DIPK2B: variants seen among roughly 807,000 people sequenced by gnomAD.
DIPK2B encodes UPF0672 protein CXorf36.
Under a neutral mutation model 22.2 loss-of-function variants are expected in DIPK2B, and 15 were observed. The observed-to-expected ratio is 0.68, with a 90% CI of 0.45 to 1.04. The LOEUF is 1.04. Ranked by LOEUF, DIPK2B falls within the 50% of genes least tolerant of loss-of-function variation. DIPK2B has a pLI of 0.00. For missense variants in DIPK2B, 345 were observed against 348.3 expected (o/e 0.99, Z 0.08); for synonymous variants, 163 against 153.2 (o/e 1.06, Z -0.47).
intron 2 of DIPK2B, among the ~76,000 whole-genome samples, chrX:45,178,269 C>A (rs142670366): frequency 8.9e-6 from 1 of 111,743 alleles, no homozygotes. Context: ...TAGAATAAAG[C>A]CGGATTCTCA....
In DIPK2B at chrX:45,154,133, G is replaced by A; in HGVS notation, c.738C>T (p.Val246=). ...CCTGCAGCGGTCTGGTGCTGGTGCT[G>A]ACGAGGAATCTGCCACAGGAGCCCA... The part of the protein sequence containing the change: ...KYLGSCGRFL[V]STSTRPLQEF... The change falls in exon 4 of 5, where the codon GTC becomes GTT. Residue 246 remains valine (V), a synonymous_variant. Coordinates refer to ENST00000398000, the MANE Select transcript of DIPK2B (RefSeq NM_176819.4). 1 of 1,210,852 alleles carries A rather than the reference G, an allele frequency of 8.3e-7. No homozygotes were observed. Among genetic ancestry groups the A allele is most frequent in the East Asian group, 3.0e-5 (1 of 33,805 alleles).
chrX:45,198,495 T>C (rs774099261), intron 1 of DIPK2B, among the ~76,000 whole-genome samples: 1 of 110,911 alleles, frequency 9.0e-6, no homozygotes, highest in African/African-American at 3.3e-5. Context: ...CACACTTCCC[T>C]TTCACGGGCA....
chrX:45,194,257 T>TC (rs1336416884), intron 1 of DIPK2B, among the ~76,000 whole-genome samples: 11 of 95,980 alleles, frequency 1.1e-4, no homozygotes, highest in Non-Finnish European at 2.5e-4. Context: ...ACCCATTAAT[T>TC]TTTTTTTTTT....
chrX:45,165,552 C>T (rs2047044109), intron 2 of DIPK2B, among the ~76,000 whole-genome samples: 1 of 110,618 alleles, frequency 9.0e-6, no homozygotes, highest in African/African-American at 3.3e-5. Flanking sequence ...TGTACTGACT[C>T]CCACTGGCCA....
chrX:45,174,780 A>G (rs1486327795), intron 2 of DIPK2B, among the ~76,000 whole-genome samples: 1 of 111,637 alleles, frequency 9.0e-6, no homozygotes. Flanking sequence ...ATTTTATTCT[A>G]TAGATAATAC....
intron 2 of DIPK2B, among the ~76,000 whole-genome samples, chrX:45,184,131 T>C (rs1358615049): frequency 9.0e-6 from 1 of 111,269 alleles, no homozygotes; most frequent in African/African-American, 3.3e-5. Flanking sequence ...AATGCCGAGA[T>C]GAAAAAGAGA....
rs192566080 is a variant in DIPK2B at position 45,174,977 on chromosome X, C to T, written c.498+16774G>A. Among the ~76,000 whole-genome samples, 624 of 111,629 alleles carry T rather than the reference C, an allele frequency of 5.6e-3. 6 individuals are homozygous for T. The highest frequency in any genetic ancestry group is 0.019 in the African/African-American group (588 of 30,655). ...AGCCACAAAGCATAGTATTTAAGGG[C>T]GTGACTTCTGCATTCAGGAGACAGG... is the stretch of plus-strand genomic sequence containing the variant. On this transcript the variant is annotated intron_variant, in intron 2 of 4. Transcript: ENST00000398000.
intron 2 of DIPK2B, among the ~76,000 whole-genome samples, chrX:45,179,746 A>C (rs1290059232): frequency 8.9e-6 from 1 of 111,895 alleles, no homozygotes; most frequent in African/African-American, 3.2e-5. Context: ...ATAGAGAAAA[A>C]AATAATTGAA....
intron 2 of DIPK2B, among the ~76,000 whole-genome samples, chrX:45,169,272 A>G (rs1363236609): frequency 9.0e-6 from 1 of 111,686 alleles, no homozygotes; most frequent in Non-Finnish European, 1.9e-5. Context: ...AAGGCTCTAG[A>G]AGCATTTTCT....
chrX:45,178,677 A>G (rs1426730816), intron 2 of DIPK2B, among the ~76,000 whole-genome samples: 1 of 111,829 alleles, frequency 8.9e-6, no homozygotes, highest in Non-Finnish European at 1.9e-5. Flanking sequence ...ATAGTCCTGT[A>G]AAAGGGAAAT....
rs1157072982 is a variant in DIPK2B, at chrX:45,154,205, A to C, written c.673-7T>G. 3.4e-6 allele frequency: 4 copies of C among 1,183,159 alleles called. No individual in the cohort carries two copies. In the Admixed American group the frequency reaches 9.5e-5, roughly 28 times the overall value. ...CCTCAGCCCCAGGGAAGATCTGCCA[A>C]GCCAGAAGGAGGAGGATTAGAGAGA... is the stretch of plus-strand genomic sequence containing the variant. On this transcript the variant is annotated splice_region_variant and splice_polypyrimidine_tract_variant and intron_variant, in intron 3 of 4. Coordinates refer to ENST00000398000, the MANE Select transcript of DIPK2B (RefSeq NM_176819.4).
intron 2 of DIPK2B, among the ~76,000 whole-genome samples, chrX:45,173,680 T>C (rs1367813163): frequency 9.3e-6 from 1 of 107,035 alleles, no homozygotes; most frequent in Non-Finnish European, 1.9e-5. Flanking sequence ...AATGATCCTC[T>C]CCCTCAGCCT....
At chrX:45,179,947 T>C (rs1353187491) in intron 2 of DIPK2B, among the ~76,000 whole-genome samples, 3 of 111,774 alleles carry the variant, frequency 2.7e-5, no homozygotes, top group Non-Finnish European at 3.8e-5. Flanking sequence ...ACTGAGGGTA[T>C]ATTAAAAAAC....
intron 2 of DIPK2B, chrX:45,162,959 T>C (rs2047029768): frequency 1.3e-6 from 1 of 753,917 alleles, no homozygotes; most frequent in South Asian, 6.7e-5. Flanking sequence ...AGACGGTCGA[T>C]AAAATTTAGC....
rs369601724 is a variant in DIPK2B, at chrX:45,157,679, C to T, written c.672+36G>A. ...GAGGCTTCTGGGAGTCCAAGATTGA[C>T]CCCCAACCTAGAGGGCTTGCCAGGT... On this transcript the variant is annotated intron_variant, in intron 3 of 4. Transcript: ENST00000398000. 6.1e-5 allele frequency: 70 copies of T among 1,151,676 alleles called. No individual in the cohort carries two copies. The East Asian group carries it at 1.5e-3, about 25-fold the overall frequency. The allele number at this position is 1,151,676 out of a possible 1,213,427, so 94.9% of individuals were successfully genotyped here.
At chrX:45,155,422 C>CA (rs796781059) in intron 3 of DIPK2B, among the ~76,000 whole-genome samples, 2,495 of 89,027 alleles carry the variant, frequency 0.028, 33 homozygotes, top group South Asian at 0.051. Context: ...GACTCTGTCT[C>CA]AAAAAAAAAA....
At chrX:45,191,001 C>T (rs1303566858) in intron 2 of DIPK2B, among the ~76,000 whole-genome samples, 1 of 112,827 alleles carries the variant, frequency 8.9e-6, no homozygotes, top group East Asian at 2.8e-4. Flanking sequence ...CCTGGCCGGG[C>T]GTGGTGGCTC....
At chrX:45,161,308 G>A (rs776858287) in intron 2 of DIPK2B, among the ~76,000 whole-genome samples, 7 of 112,511 alleles carry the variant, frequency 6.2e-5, no homozygotes, top group Non-Finnish European at 3.8e-5. Flanking sequence ...TCAGGAGGTC[G>A]AGGTAGGCAG....
At chrX:45,199,937 G>A (rs781741021) in intron 1 of DIPK2B, among the ~76,000 whole-genome samples, 1 of 111,911 alleles carries the variant, frequency 8.9e-6, no homozygotes, top group Non-Finnish European at 1.9e-5. Context: ...GTTTTCCTCT[G>A]ATCAAGGCAA....
Sources: gnomAD v4.1 joint callset for allele counts (sites outside exome capture counted in the v4.1 genomes callset) on GRCh38, gnomAD v4.1.1 for gene constraint, MANE v1.5 for transcripts, NCBI Gene and HGNC (gene_info 2026-07-23, HGNC 2026-07-21) for gene names.